Variants in TPD52L1 observed in about 807,000 individuals in gnomAD.
The protein encoded by TPD52L1 is tumor protein D53.
In TPD52L1, 18 loss-of-function variants were observed where a neutral mutation model predicts 28.7. The ratio of observed to expected loss-of-function variants is 0.63; its 90% CI spans 0.43 to 0.93. TPD52L1 has a LOEUF of 0.93. Among genes scored for constraint, TPD52L1 ranks in the 40% least tolerant of loss-of-function variants. The probability of loss-of-function intolerance (pLI) is 0.00; values close to 1 mark genes in which losing one functional copy is unlikely to be tolerated. For synonymous variants in TPD52L1, 75 were observed against 88.8 expected (o/e 0.84, Z 0.88); for missense variants, 203 against 254.8 (o/e 0.80, Z 1.39).
intron 3 of TPD52L1, 90 bp from the exon 4 acceptor site, chr6:125,248,191 AG>A (rs1440182323): frequency 9.6e-7 from 1 of 1,042,358 alleles, no homozygotes. Flanking sequence ...TGTTGAGGAA[AG>A]GACATTTTCA....
intron 1 of TPD52L1, among the ~76,000 whole-genome samples, chr6:125,170,672 C>T (rs573595410): frequency 2.6e-5 from 4 of 152,158 alleles, no homozygotes; most frequent in Admixed American, 2.6e-4. Context: ...GTCTATGACC[C>T]AGAAGTCTTG....
At chr6:125,204,773 C>G (rs1794011562) in intron 1 of TPD52L1, among the ~76,000 whole-genome samples, 1 of 152,216 alleles carries the variant, frequency 6.6e-6, no homozygotes, top group Admixed American at 6.5e-5. Flanking sequence ...GCCACTGCGC[C>G]AGGCCTATCA....
At chr6:125,211,551 C>T (rs1794514223) in intron 1 of TPD52L1, among the ~76,000 whole-genome samples, 1 of 152,156 alleles carries the variant, frequency 6.6e-6, no homozygotes. Context: ...TTTATGATTG[C>T]TCGTCTGTGT....
At chr6:125,161,994 A>T (rs1790550843) in intron 1 of TPD52L1, among the ~76,000 whole-genome samples, 1 of 152,238 alleles carries the variant, frequency 6.6e-6, no homozygotes. Flanking sequence ...CTATTAAATT[A>T]TCCAAGGAAA....
At chr6:125,172,514 A>C (rs1156468050) in intron 1 of TPD52L1, among the ~76,000 whole-genome samples, 2 of 33,100 alleles carry the variant, frequency 6.0e-5, no homozygotes, top group Non-Finnish European at 1.1e-4. Context: ...CTTTCATGCT[A>C]TATATATATA....
intron 1 of TPD52L1, among the ~76,000 whole-genome samples, chr6:125,170,625 G>A (rs1791234126): frequency 6.6e-6 from 1 of 151,958 alleles, no homozygotes; most frequent in Non-Finnish European, 1.5e-5. Context: ...ATGTTTCTCT[G>A]GCTACTGCTA....
intron 1 of TPD52L1, among the ~76,000 whole-genome samples, chr6:125,191,347 G>A (rs1039253421): frequency 6.6e-6 from 1 of 152,166 alleles, no homozygotes; most frequent in Non-Finnish European, 1.5e-5. Context: ...TCTGTGAAAG[G>A]GGGCAGCTTT....
At chr6:125,221,660 T>C (rs1055532719) in intron 2 of TPD52L1, among the ~76,000 whole-genome samples, 1 of 152,112 alleles carries the variant, frequency 6.6e-6, no homozygotes, top group African/African-American at 2.4e-5. Context: ...ACTTTTATAA[T>C]CAAGAAAAAA....
At chr6:125,173,685 C>T (rs1477209862) in intron 1 of TPD52L1, among the ~76,000 whole-genome samples, 2 of 152,202 alleles carry the variant, frequency 1.3e-5, no homozygotes, top group African/African-American at 4.8e-5. Flanking sequence ...TATACAAATA[C>T]ATGTATTAAG....
intron 4 of TPD52L1, chr6:125,248,588 T>C: frequency 1.9e-6 from 1 of 518,010 alleles, no homozygotes; most frequent in Non-Finnish European, 3.4e-6. Flanking sequence ...GGTGGCCTGG[T>C]CCCAGAGTTG....
At chr6:125,172,504 C>CA (rs1180921736) in intron 1 of TPD52L1, among the ~76,000 whole-genome samples, 1 of 64,972 alleles carries the variant, frequency 1.5e-5, no homozygotes, top group Non-Finnish European at 2.7e-5. Flanking sequence ...CTATTTCCCT[C>CA]TTTCATGCTA....
chr6:125,255,883 GTTTC>G (rs1392801354), intron 5 of TPD52L1, among the ~76,000 whole-genome samples: 2 of 152,092 alleles, frequency 1.3e-5, no homozygotes, highest in East Asian at 3.9e-4. Flanking sequence ...TTCAGTTCCT[GTTTC>G]TTTAGTAGGA....
intron 1 of TPD52L1, among the ~76,000 whole-genome samples, chr6:125,173,424 A>G (rs41382145): frequency 0.062 from 9,470 of 152,154 alleles, 573 homozygotes; most frequent in East Asian, 0.33. Context: ...TCTCTTGATT[A>G]AACCCTTTGG....
chr6:125,235,770 G>A (rs2115003544), intron 3 of TPD52L1, among the ~76,000 whole-genome samples: 1 of 152,358 alleles, frequency 6.6e-6, no homozygotes, highest in South Asian at 2.1e-4. Context: ...GCTGGGCTCA[G>A]TGGCGCTTGC....
At chr6:125,232,835 T>C (rs1344507067) in intron 3 of TPD52L1, among the ~76,000 whole-genome samples, 8 of 152,198 alleles carry the variant, frequency 5.3e-5, no homozygotes, top group Non-Finnish European at 1.2e-4. Flanking sequence ...TTCTTGTTGC[T>C]GTTGTTCTTG....
At chr6:125,168,666 C>T (rs113324993) in intron 1 of TPD52L1, among the ~76,000 whole-genome samples, 1,947 of 152,050 alleles carry the variant, frequency 0.013, 42 homozygotes, top group African/African-American at 0.045. Flanking sequence ...TACAGGCGCC[C>T]GCCACCACGC....
intron 1 of TPD52L1, among the ~76,000 whole-genome samples, chr6:125,163,878 T>C (rs1483980055): frequency 1.4e-5 from 2 of 147,762 alleles, no homozygotes; most frequent in Non-Finnish European, 3.0e-5. Flanking sequence ...GATCATGTCA[T>C]TACACTCCAG....
At chr6:125,189,685 A>G (rs1378340346) in intron 1 of TPD52L1, among the ~76,000 whole-genome samples, 1 of 151,940 alleles carries the variant, frequency 6.6e-6, no homozygotes, top group Non-Finnish European at 1.5e-5. Flanking sequence ...AAGGTTGGCA[A>G]CCTCTCTCTG....
At chr6:125,169,509 A>T (rs1432278343) in intron 1 of TPD52L1, among the ~76,000 whole-genome samples, 2 of 152,148 alleles carry the variant, frequency 1.3e-5, no homozygotes, top group Admixed American at 6.5e-5. Flanking sequence ...TCAGTTAATG[A>T]CAACTCCATT....
Sources: allele counts gnomAD v4.1 joint callset (sites outside exome capture counted in the v4.1 genomes callset), GRCh38; gene constraint gnomAD v4.1.1; transcripts MANE v1.5; gene names NCBI Gene and HGNC (gene_info 2026-07-23, HGNC 2026-07-21).